Variants in GLIS3 observed in about 807,000 individuals in gnomAD.
GLIS3 encodes zinc finger protein GLIS3.
In GLIS3, 53 loss-of-function variants were observed where a neutral mutation model predicts 78.6. That is an observed-to-expected ratio of 0.67 (90% CI 0.54 to 0.85). The LOEUF is 0.85. Ranked by LOEUF, GLIS3 falls within the 40% of genes least tolerant of loss-of-function variation. The pLI is 0.00. For synonymous variants in GLIS3, 684 were observed against 509.9 expected (o/e 1.34, Z -4.60); for missense variants, 1,703 against 1,231.1 (o/e 1.38, Z -5.74).
intron 2 of GLIS3, among the ~76,000 whole-genome samples, chr9:4,340,656 C>G (rs555820535): frequency 1.3e-5 from 2 of 152,084 alleles, no homozygotes; most frequent in Non-Finnish European, 2.9e-5. Context: ...ACCTGGAGAC[C>G]GTTGTCGGAA....
chr9:3,997,481 A>G (rs1820828866), intron 4 of GLIS3, among the ~76,000 whole-genome samples: 1 of 152,164 alleles, frequency 6.6e-6, no homozygotes, highest in Admixed American at 6.5e-5. Context: ...ACAAGAAATG[A>G]ACATTTTATG....
the GLIS3 span, among the ~76,000 whole-genome samples, chr9:4,441,721 C>G: frequency 6.6e-6 from 1 of 152,150 alleles, no homozygotes; most frequent in Non-Finnish European, 1.5e-5. Context: ...ATCCTTCCAC[C>G]TCAACCTCCA....
the GLIS3 span, among the ~76,000 whole-genome samples, chr9:4,364,550 A>G: frequency 6.6e-6 from 1 of 152,108 alleles, no homozygotes; most frequent in Non-Finnish European, 1.5e-5. Flanking sequence ...ACAAAACAAT[A>G]TCCATAATGC....
intron 2 of GLIS3, among the ~76,000 whole-genome samples, chr9:4,150,648 G>A (rs1169788977): frequency 6.6e-6 from 1 of 152,196 alleles, no homozygotes; most frequent in Non-Finnish European, 1.5e-5. Flanking sequence ...ACAATTTCAA[G>A]GGTTTCCCTC....
chr9:4,465,401 T>A, the GLIS3 span, among the ~76,000 whole-genome samples: 1 of 151,962 alleles, frequency 6.6e-6, no homozygotes, highest in African/African-American at 2.4e-5. Flanking sequence ...TACAAAAAAT[T>A]AGCCATGCAT....
At chr9:4,223,628 G>A (rs150313849) in intron 2 of GLIS3, among the ~76,000 whole-genome samples, 3 of 152,198 alleles carry the variant, frequency 2.0e-5, no homozygotes, top group East Asian at 3.9e-4. Context: ...ACTCACATTC[G>A]AAGTCACTTC....
At chr9:4,393,581 GT>G in the GLIS3 span, among the ~76,000 whole-genome samples, 2 of 152,144 alleles carry the variant, frequency 1.3e-5, no homozygotes, top group African/African-American at 4.8e-5. Flanking sequence ...GTCTGGAACA[GT>G]TTCTCAGTCA....
At chr9:4,287,425 G>A (rs539735674) in intron 1 of GLIS3, among the ~76,000 whole-genome samples, 50 of 152,166 alleles carry the variant, frequency 3.3e-4, no homozygotes, top group Non-Finnish European at 5.6e-4. Flanking sequence ...GATGATGCCG[G>A]GTTGTAAATC....
At chr9:3,999,465 G>A (rs959962153) in intron 4 of GLIS3, among the ~76,000 whole-genome samples, 2 of 152,076 alleles carry the variant, frequency 1.3e-5, no homozygotes, top group African/African-American at 4.8e-5. Context: ...CAGCAATGAA[G>A]AGTTTAATAT....
chr9:4,311,971 G>A (rs980091444), intron 2 of GLIS3, among the ~76,000 whole-genome samples: 1 of 152,262 alleles, frequency 6.6e-6, no homozygotes, highest in Middle Eastern at 3.4e-3. Context: ...TACAGACAGT[G>A]GGGTCCACCC....
chr9:4,478,228 C>T, the GLIS3 span, among the ~76,000 whole-genome samples: 3 of 152,088 alleles, frequency 2.0e-5, no homozygotes, highest in Admixed American at 1.3e-4. Context: ...ATGATTTGAG[C>T]GTGGGAAAGG....
chr9:4,036,675 C>T (rs963463262), intron 4 of GLIS3, among the ~76,000 whole-genome samples: 4 of 152,118 alleles, frequency 2.6e-5, no homozygotes, highest in Non-Finnish European at 5.9e-5. Context: ...CAGCAAACGG[C>T]GCATTACCTG....
At chr9:4,021,514 G>C (rs1189233425) in intron 4 of GLIS3, among the ~76,000 whole-genome samples, 2 of 152,116 alleles carry the variant, frequency 1.3e-5, no homozygotes, top group African/African-American at 4.8e-5. Context: ...TGCTTGATAT[G>C]TGGTAACTTC....
At chr9:4,033,828 ATTTG>A (rs1824064508) in intron 4 of GLIS3, among the ~76,000 whole-genome samples, 1 of 125,370 alleles carries the variant, frequency 8.0e-6, no homozygotes, top group South Asian at 2.9e-4. Context: ...CAACACAAGG[ATTTG>A]TTTAATTGCC....
chr9:4,158,054 A>G lies in GLIS3; in HGVS notation c.389-32113T>C, dbSNP rs539794931. ...TTGCAGCACCCTGAAGTAACATGCA[A>G]ATTTTATTCTGTAGTTTAACACACA... On this transcript the variant is annotated intron_variant, in intron 2 of 10. Transcript: ENST00000381971. Among the ~76,000 whole-genome samples, 3 of 152,310 alleles carry G rather than the reference A, an allele frequency of 2.0e-5. No homozygotes were observed. In the South Asian group the frequency reaches 6.2e-4, roughly 32 times the overall value.
chr9:4,178,603 A>T (rs1817006509), intron 2 of GLIS3, among the ~76,000 whole-genome samples: 2 of 152,246 alleles, frequency 1.3e-5, no homozygotes. Flanking sequence ...CCAAACACGC[A>T]AGTGCAAATA....
At chr9:4,158,020 T>A (rs1208924700) in intron 2 of GLIS3, among the ~76,000 whole-genome samples, 1 of 152,232 alleles carries the variant, frequency 6.6e-6, no homozygotes. Flanking sequence ...AAACTCTGAA[T>A]TGCCATGGTT....
intron 2 of GLIS3, among the ~76,000 whole-genome samples, chr9:4,201,768 C>A (rs1461955667): frequency 6.6e-6 from 1 of 152,168 alleles, no homozygotes; most frequent in African/African-American, 2.4e-5. Context: ...CTGGCCAAAG[C>A]AATCTACAGA....
the GLIS3 span, among the ~76,000 whole-genome samples, chr9:4,375,679 A>G: frequency 6.6e-6 from 1 of 152,244 alleles, no homozygotes; most frequent in East Asian, 1.9e-4. Flanking sequence ...AAACATGCTC[A>G]TCATTGTCTA....
Sources: allele counts gnomAD v4.1 joint callset (sites outside exome capture counted in the v4.1 genomes callset), GRCh38; gene constraint gnomAD v4.1.1; transcripts MANE v1.5; gene names NCBI Gene and HGNC (gene_info 2026-07-23, HGNC 2026-07-21).